RASGRF2: variants seen among roughly 807,000 people sequenced by gnomAD.
RASGRF2 encodes the protein Ras protein specific guanine nucleotide releasing factor 2, also known as ras-specific guanine nucleotide-releasing factor 2.
In RASGRF2, 76 loss-of-function variants were observed where a neutral mutation model predicts 151.0. The observed-to-expected ratio is 0.50, with a 90% CI of 0.42 to 0.61. RASGRF2 has a LOEUF of 0.61. RASGRF2 is among the 20% of genes least tolerant of loss of function. The probability of loss-of-function intolerance (pLI) is 0.00; values close to 1 mark genes in which losing one functional copy is unlikely to be tolerated. For synonymous variants in RASGRF2, 504 were observed against 566.5 expected, an observed-to-expected ratio of 0.89 and a Z score of 1.57; for missense variants, 1,148 against 1,564.6, an observed-to-expected ratio of 0.73 and a Z score of 4.49.
intron 15 of RASGRF2, among the ~76,000 whole-genome samples, chr5:81,114,421 A>C (rs535122171): frequency 6.6e-6 from 1 of 152,376 alleles, no homozygotes; most frequent in East Asian, 1.9e-4. Context: ...TTATGAGGAC[A>C]GTGCTCCATG....
intron 19 of RASGRF2, 117 bp from the exon 20 acceptor site, chr5:81,206,728 C>A: frequency 1.3e-6 from 1 of 794,636 alleles, no homozygotes. Flanking sequence ...TGCTGCATGG[C>A]CTTGTAGACC....
chr5:81,145,115 A>C (rs1318157063), intron 17 of RASGRF2, among the ~76,000 whole-genome samples: 1 of 152,042 alleles, frequency 6.6e-6, no homozygotes, highest in Non-Finnish European at 1.5e-5. Flanking sequence ...GGTGGCATAC[A>C]TCTGTAATCC....
chr5:81,057,784 C>G (rs1035070450), intron 2 of RASGRF2, among the ~76,000 whole-genome samples: 1 of 152,000 alleles, frequency 6.6e-6, no homozygotes, highest in Non-Finnish European at 1.5e-5. Flanking sequence ...CACTTGAGCT[C>G]AGGAGTTCAA....
chr5:81,073,412 C>G lies in RASGRF2; in HGVS notation c.847C>G (p.Pro283Ala), dbSNP rs958615557. 3.1e-6 allele frequency: 5 copies of G among 1,614,158 alleles called. No individual in the cohort carries two copies. The highest frequency in any genetic ancestry group is 4.2e-6 in the Non-Finnish European group (5 of 1,180,032). ...LRMAASSKKPPISHDDVSSIF... is the reference protein window; with the variant it reads ...LRMAASSKKPAISHDDVSSIF... ...TATGGCCGCCAGCTCCAAGAAGCCC[C>G]CCATCAGCCACGACGACGTCAGCAG... is the stretch of plus-strand genomic sequence containing the variant. The change falls in exon 5 of 27, where the codon CCC (proline) becomes GCC (alanine). Residue 283 changes from proline (P) to alanine (A), a missense_variant. Physicochemically the swap from Pro to Ala is conservative, Grantham distance 27. Transcript: ENST00000265080.
At chr5:81,004,145 C>T (rs1157295221) in intron 1 of RASGRF2, among the ~76,000 whole-genome samples, 2 of 152,178 alleles carry the variant, frequency 1.3e-5, no homozygotes, top group Non-Finnish European at 2.9e-5. Context: ...TGGCAGGCAC[C>T]TCTGATCACA....
At chr5:81,099,910 T>TC (rs1752649822) in intron 12 of RASGRF2, among the ~76,000 whole-genome samples, 1 of 118,032 alleles carries the variant, frequency 8.5e-6, no homozygotes, top group Non-Finnish European at 1.8e-5. Flanking sequence ...CTTTTTTCTT[T>TC]TTTTTTTTTT....
intron 1 of RASGRF2, among the ~76,000 whole-genome samples, chr5:81,021,705 A>G (rs1456039476): frequency 1.3e-4 from 20 of 152,150 alleles, no homozygotes; most frequent in Non-Finnish European, 2.8e-4. Context: ...ATGTGGTTCT[A>G]TAACCACAAT....
intron 19 of RASGRF2, among the ~76,000 whole-genome samples, 169 bp from the exon 20 acceptor site, chr5:81,206,676 T>C (rs1755514881): frequency 6.6e-6 from 1 of 152,214 alleles, no homozygotes; most frequent in African/African-American, 2.4e-5. Flanking sequence ...TGAGCATGTT[T>C]TCTGTTTGGG....
At chr5:81,138,122 G>A (rs1037275116) in intron 17 of RASGRF2, among the ~76,000 whole-genome samples, 1 of 152,174 alleles carries the variant, frequency 6.6e-6, no homozygotes, top group Non-Finnish European at 1.5e-5. Flanking sequence ...TCTTTCTGCT[G>A]TAATCTACTG....
intron 15 of RASGRF2, among the ~76,000 whole-genome samples, chr5:81,116,047 C>T (rs1050617851): frequency 1.8e-4 from 24 of 130,628 alleles, no homozygotes; most frequent in African/African-American, 6.1e-4. Flanking sequence ...GTGGTAATCA[C>T]TAGTGGTGAA....
intron 22 of RASGRF2, among the ~76,000 whole-genome samples, chr5:81,210,551 G>A (rs1440388088): frequency 6.6e-6 from 1 of 152,178 alleles, no homozygotes; most frequent in Non-Finnish European, 1.5e-5. Context: ...CTCTGGCCCG[G>A]ATGTCCACCT....
At chr5:81,133,786 C>T (rs570023760) in intron 17 of RASGRF2, among the ~76,000 whole-genome samples, 1 of 152,272 alleles carries the variant, frequency 6.6e-6, no homozygotes, top group East Asian at 1.9e-4. Flanking sequence ...GACACTGTTA[C>T]AATTGCTTAG....
At chr5:81,069,636 A>T (rs1489046138) in intron 3 of RASGRF2, among the ~76,000 whole-genome samples, 1 of 152,236 alleles carries the variant, frequency 6.6e-6, no homozygotes, top group Non-Finnish European at 1.5e-5. Flanking sequence ...TCTTGACAGG[A>T]GCCATAATTT....
At chr5:81,094,261 T>G in intron 10 of RASGRF2, 35 bp from the exon 11 acceptor site, 1 of 1,555,160 alleles carries the variant, frequency 6.4e-7, no homozygotes, top group Non-Finnish European at 8.9e-7. Context: ...ACACAAGACC[T>G]TCAGCGTCTT....
At chr5:81,029,000 T>C (rs978348391) in intron 1 of RASGRF2, among the ~76,000 whole-genome samples, 1 of 152,212 alleles carries the variant, frequency 6.6e-6, no homozygotes, top group African/African-American at 2.4e-5. Flanking sequence ...CAGGAGATTA[T>C]ATCCCACGCC....
chr5:81,149,123 C>T (rs550302942), intron 17 of RASGRF2, among the ~76,000 whole-genome samples: 1 of 152,280 alleles, frequency 6.6e-6, no homozygotes, highest in South Asian at 2.1e-4. Context: ...CCATTCCATC[C>T]AGCAATCCCA....
chr5:80,969,707 T>C (rs1412455205), intron 1 of RASGRF2, among the ~76,000 whole-genome samples: 1 of 150,120 alleles, frequency 6.7e-6, no homozygotes, highest in Non-Finnish European at 1.5e-5. Flanking sequence ...CGTCTCGGCC[T>C]CCCAAAGTGC....
chr5:80,986,238 T>TA (rs537578712), intron 1 of RASGRF2, among the ~76,000 whole-genome samples: 6 of 152,224 alleles, frequency 3.9e-5, no homozygotes, highest in Non-Finnish European at 7.3e-5. Context: ...GCACATCATT[T>TA]AAAAAATTGG....
At chr5:81,132,996 TC>T (rs1331764461) in intron 17 of RASGRF2, among the ~76,000 whole-genome samples, 2 of 152,182 alleles carry the variant, frequency 1.3e-5, no homozygotes, top group African/African-American at 4.8e-5. Flanking sequence ...TCCAGAAAAT[TC>T]TTGGAATCGC....
Sources: allele counts gnomAD v4.1 joint callset (sites outside exome capture counted in the v4.1 genomes callset), GRCh38; gene constraint gnomAD v4.1.1; transcripts MANE v1.5; gene names NCBI Gene and HGNC (gene_info 2026-07-23, HGNC 2026-07-21).